The following MTIF3 variants were observed in gnomAD, a reference collection of about 807,000 sequenced individuals.
The protein encoded by MTIF3 is translation initiation factor IF-3, mitochondrial.
A neutral mutation model predicts 20.7 loss-of-function variants in MTIF3; 13 were observed. The ratio of observed to expected loss-of-function variants is 0.63; its 90% CI spans 0.41 to 1.00. The LOEUF (loss-of-function observed/expected upper bound fraction) is 1.00, where lower values mean the gene tolerates loss of function less well. Ranked by LOEUF, MTIF3 falls within the 50% of genes least tolerant of loss-of-function variation. MTIF3 has a pLI of 0.00. For missense variants in MTIF3, 295 were observed against 324.5 expected (o/e 0.91, Z 0.70); for synonymous variants, 114 against 112.5 (o/e 1.01, Z -0.08).
At chr13:27,437,875 GA>G (rs1461225758) in intron 3 of MTIF3, among the ~76,000 whole-genome samples, 1 of 152,008 alleles carries the variant, frequency 6.6e-6, no homozygotes, top group East Asian at 1.9e-4. Context: ...ACAAACAGAA[GA>G]AAAGACAGAA....
At chr13:27,436,687 A>G (rs1000311151) in intron 4 of MTIF3, among the ~76,000 whole-genome samples, 3 of 152,000 alleles carry the variant, frequency 2.0e-5, no homozygotes, top group Non-Finnish European at 4.4e-5. Flanking sequence ...AAAGCTGTTA[A>G]CATCACTGGG....
At chr13:27,444,873 A>C (rs919519490) in intron 2 of MTIF3, among the ~76,000 whole-genome samples, 2 of 152,174 alleles carry the variant, frequency 1.3e-5, no homozygotes, top group Non-Finnish European at 2.9e-5. Flanking sequence ...GTTTGTTTAC[A>C]TGTCATTTAC....
At chr13:27,447,078 A>G (rs761390478) in intron 1 of MTIF3, among the ~76,000 whole-genome samples, 1 of 151,930 alleles carries the variant, frequency 6.6e-6, no homozygotes. Flanking sequence ...TTAAAAGTTA[A>G]CTGGTCTACA....
chr13:27,448,052 A>AT (rs1429164894), intron 1 of MTIF3, among the ~76,000 whole-genome samples: 1 of 143,432 alleles, frequency 7.0e-6, no homozygotes, highest in African/African-American at 2.6e-5. Context: ...ATAATTCATT[A>AT]TTTTGCATTC....
At chr13:27,440,983 T>C (rs1201577597) in intron 2 of MTIF3, 1 of 160,018 alleles carries the variant, frequency 6.2e-6, no homozygotes, top group Non-Finnish European at 1.4e-5. Flanking sequence ...GAAATGTCAT[T>C]AAGAAAATCA....
rs745906615 is a variant in MTIF3, at chr13:27,435,749, G to A, written c.763C>T (p.Gln255Ter). 1.2e-6 allele frequency: 2 copies of A among 1,614,024 alleles called. No homozygotes were observed. Among genetic ancestry groups the A allele is most frequent in the Non-Finnish European group, 1.7e-6 (2 of 1,179,974 alleles). Residue 255 changes from glutamine to a stop codon, truncating the protein, a stop_gained, in exon 5 of 5, where the codon CAA becomes TAA. Coordinates refer to ENST00000381120, the MANE Select transcript of MTIF3 (RefSeq NM_152912.5). LOFTEE classifies it low-confidence loss of function (END_TRUNC). ...AAAGTGTCTCTTTCCTGGGTCTCTT[G>A]AGTTTCTTTATATGCCTTCTCCTCA... ...KNEEKAYKET[Q>*]ETQERDTLNK...
chr13:27,435,727 G>A lies in MTIF3; in HGVS notation c.785C>T (p.Thr262Ile). Reference sequence around the variant, plus strand: ...ATCATTTCCATGGTCTTTGTTCAAAGTGTCTCTTTCCTGGGTCTCTTGAGT... The same window carrying A: ...ATCATTTCCATGGTCTTTGTTCAAAATGTCTCTTTCCTGGGTCTCTTGAGT... ...KETQETQERDTLNKDHGNDKE... is the reference protein window; with the variant it reads ...KETQETQERDILNKDHGNDKE... The change falls in exon 5 of 5, where the codon ACT becomes ATT. Residue 262 changes from threonine (T) to isoleucine (I), a missense_variant. By Grantham distance (89) the Thr-to-Ile change is moderately conservative. Coordinates refer to ENST00000381120, the MANE Select transcript of MTIF3 (RefSeq NM_152912.5). The A allele has an allele frequency of 6.2e-7, 1 of 1,614,100 alleles. No individual in the cohort carries two copies. Among genetic ancestry groups the A allele is most frequent in the Non-Finnish European group, 8.5e-7 (1 of 1,179,994 alleles).
chr13:27,445,807 G>A (rs555856215), intron 1 of MTIF3, among the ~76,000 whole-genome samples: 1 of 152,186 alleles, frequency 6.6e-6, no homozygotes, highest in East Asian at 1.9e-4. Context: ...GGGATACAAG[G>A]GCCAGACTCA....
chr13:27,450,457 C>T (rs1042192679), intron 1 of MTIF3, 52 bp downstream of exon 1: 2 of 152,356 alleles, frequency 1.3e-5, no homozygotes, highest in African/African-American at 4.8e-5. Flanking sequence ...AAGGCCACGC[C>T]CTCCCGATGC....
intron 3 of MTIF3, among the ~76,000 whole-genome samples, chr13:27,439,385 A>G (rs752736942): frequency 6.6e-6 from 1 of 152,204 alleles, no homozygotes; most frequent in African/African-American, 2.4e-5. Flanking sequence ...AATCCCAGCC[A>G]CTGGGGAGGC....
intron 3 of MTIF3, among the ~76,000 whole-genome samples, chr13:27,438,334 A>AG (rs1360728342): frequency 1.3e-5 from 2 of 150,388 alleles, no homozygotes; most frequent in Non-Finnish European, 3.0e-5. Flanking sequence ...AAAAAAAAAA[A>AG]AAAAAAAAGG....
chr13:27,439,945 T>A, intron 3 of MTIF3, 44 bp downstream of exon 3: 2 of 1,546,728 alleles, frequency 1.3e-6, no homozygotes, highest in Non-Finnish European at 8.9e-7. Flanking sequence ...ACTGCTGATT[T>A]GTAGCTCTTA....
At position 27,438,149 on chromosome 13, in the gene MTIF3, A is replaced by T. The variant is rs148073483; in HGVS notation, c.461-876T>A. Among the ~76,000 whole-genome samples the T allele has an allele frequency of 7.3e-4, 111 of 152,256 alleles. 1 individual carries two copies. Among genetic ancestry groups the T allele is most frequent in the African/African-American group, 2.4e-3 (100 of 41,548 alleles). On this transcript the variant is annotated intron_variant, in intron 3 of 4. Transcript: ENST00000381120. Reference sequence around the variant, plus strand: ...GCATACACTGCTGCTGAGCAGTTTGATCCATTTAGGTTCATAGACCCTAGA... The same window carrying T: ...GCATACACTGCTGCTGAGCAGTTTGTTCCATTTAGGTTCATAGACCCTAGA...
intron 3 of MTIF3, among the ~76,000 whole-genome samples, chr13:27,439,269 G>A (rs1156859687): frequency 3.3e-5 from 5 of 152,220 alleles, no homozygotes; most frequent in Admixed American, 6.5e-5. Context: ...GCCGAGGAGG[G>A]CAGATCACTT....
rs1434775060 is a variant in MTIF3 at position 27,443,363 on chromosome 13, T to C, written c.-2+1725A>G. Among the ~76,000 whole-genome samples, 3 of 151,822 alleles carry C rather than the reference T, an allele frequency of 2.0e-5. No homozygotes were observed. In the East Asian group the frequency reaches 5.8e-4, roughly 29 times the overall value. Reference sequence around the variant, plus strand: ...AAAAATCTGAAAAGATCACAGAAGATTTTTTTTTCACTTATCAGAAAACTA... The same window carrying C: ...AAAAATCTGAAAAGATCACAGAAGACTTTTTTTTCACTTATCAGAAAACTA... On this transcript the variant is annotated intron_variant, in intron 2 of 4. Transcript: ENST00000381120.
chr13:27,442,992 G>A (rs776654003), intron 2 of MTIF3, among the ~76,000 whole-genome samples: 2 of 152,202 alleles, frequency 1.3e-5, no homozygotes, highest in East Asian at 1.9e-4. Context: ...TGCACATGTC[G>A]AATGAATGCA....
At chr13:27,438,490 T>TTTTTTG (rs1555259832) in intron 3 of MTIF3, among the ~76,000 whole-genome samples, 1 of 46,592 alleles carries the variant, frequency 2.1e-5, no homozygotes, top group East Asian at 3.4e-4. Context: ...ACTGTTTTTT[T>TTTTTTG]TTTTTTTTTT....
intron 1 of MTIF3, among the ~76,000 whole-genome samples, chr13:27,449,680 G>A (rs1954295582): frequency 6.6e-6 from 1 of 152,182 alleles, no homozygotes; most frequent in African/African-American, 2.4e-5. Flanking sequence ...ACAGTTTTGT[G>A]ATGATCTTAG....
intron 2 of MTIF3, among the ~76,000 whole-genome samples, chr13:27,444,429 T>A (rs1954107438): frequency 6.6e-6 from 1 of 152,264 alleles, no homozygotes; most frequent in African/African-American, 2.4e-5. Context: ...TGCAATTCAT[T>A]GCAATTAAGC....
Sources: gnomAD v4.1 joint callset for allele counts (sites outside exome capture counted in the v4.1 genomes callset) on GRCh38, gnomAD v4.1.1 for gene constraint, MANE v1.5 for transcripts, NCBI Gene and HGNC (gene_info 2026-07-23, HGNC 2026-07-21) for gene names.